DNMT3A: variants seen among roughly 807,000 people sequenced by gnomAD.
The protein encoded by DNMT3A is DNA methyltransferase 3 alpha.
A neutral mutation model predicts 117.6 loss-of-function variants in DNMT3A; 267 were observed. The ratio of observed to expected loss-of-function variants is 2.27; its 90% CI spans 2.05 to 2.51. The LOEUF is 2.51. Among genes scored for constraint, DNMT3A ranks in the 30% most tolerant of loss-of-function variants. The pLI is 0.00. For missense variants in DNMT3A, 1,029 were observed against 1,260.2 expected (o/e 0.82, Z 2.78); for synonymous variants, 432 against 474.8 (o/e 0.91, Z 1.17).
chr2:25,234,324 GA>G lies in DNMT3A; in HGVS notation c.2693del (p.Ile898ThrfsTer8). ...CCTTCAGCGGAGCGAAGAGGTGGCG[GA>G]TGACTGGCACGCTCCATGACCGGCC... is the stretch of plus-strand genomic sequence containing the variant. The part of the protein sequence containing the change: ...LLGRSWSVPV[I>X]RHLFAPLKEY... On this transcript the variant is annotated frameshift_variant, in exon 23 of 23. Coordinates refer to ENST00000321117, the MANE Select transcript of DNMT3A (RefSeq NM_022552.5). LOFTEE classifies it high-confidence loss of function. The surrounding 1 kb of genome is among the most constrained non-coding windows in gnomAD (Gnocchi z 4.5). 6.2e-7 allele frequency: 1 copy of G among 1,614,056 alleles called. No homozygotes were observed. The highest frequency in any genetic ancestry group is 8.5e-7 in the Non-Finnish European group (1 of 1,179,962).
chr2:25,258,047 G>A (rs750832433), intron 6 of DNMT3A, among the ~76,000 whole-genome samples: 5 of 152,358 alleles, frequency 3.3e-5, no homozygotes, highest in Non-Finnish European at 5.9e-5. Context: ...CCCTGATCAA[G>A]CACAACCTGT....
At chr2:25,338,072 T>A (rs139866068) in intron 1 of DNMT3A, among the ~76,000 whole-genome samples, 200 of 151,662 alleles carry the variant, frequency 1.3e-3, no homozygotes, top group Non-Finnish European at 2.2e-3. Context: ...GGGCACGGGG[T>A]GGGGAGGATA....
intron 6 of DNMT3A, among the ~76,000 whole-genome samples, chr2:25,259,319 T>C (rs755046927): frequency 6.6e-6 from 1 of 151,754 alleles, no homozygotes; most frequent in Non-Finnish European, 1.5e-5. Context: ...GGTGGGAGAG[T>C]AGCAGTACCC....
At chr2:25,315,937 A>G (rs780996912) in intron 1 of DNMT3A, among the ~76,000 whole-genome samples, 40 of 152,394 alleles carry the variant, frequency 2.6e-4, no homozygotes, top group Non-Finnish European at 5.0e-4. Context: ...CTGATTGGAA[A>G]GAACGTTGAG....
Position 25,248,097 on chromosome 2 carries a change from C to T in DNMT3A, c.795G>A (p.Val265=). The T allele has an allele frequency of 6.2e-7, 1 of 1,613,340 alleles. No individual in the cohort carries two copies. The highest frequency in any genetic ancestry group is 1.1e-5 in the South Asian group (1 of 91,036). Residue 265 remains valine, a synonymous_variant, in exon 7 of 23, where the codon GTG becomes GTA. Transcript: ENST00000321117. ...CATTCTTGTCCCCAGCATCGGACCC[C>T]ACGGGCTCAGGCGTGGTAGCCACAG... is the stretch of plus-strand genomic sequence containing the variant. ...SPTVATTPEP[V]GSDAGDKNAT...
chr2:25,243,501 G>A (rs948849685), intron 16 of DNMT3A, among the ~76,000 whole-genome samples: 2 of 152,130 alleles, frequency 1.3e-5, no homozygotes, highest in African/African-American at 4.8e-5. Flanking sequence ...AAAGGATAAT[G>A]GGTGATTTAA....
chr2:25,275,476 AG>A (rs755073536), intron 5 of DNMT3A, 23 bp downstream of exon 5: 24 of 1,590,762 alleles, frequency 1.5e-5, no homozygotes, highest in East Asian at 1.2e-4. Context: ...GGATCCACAG[AG>A]CCCCTGGGGG....
rs761171028 is a variant in DNMT3A, at chr2:25,235,827, T to C, written c.2479-2A>G. On this transcript the variant is annotated splice_acceptor_variant, in intron 21 of 22. Transcript: ENST00000321117. LOFTEE classifies it high-confidence loss of function. The stretch of plus-strand genomic sequence containing the variant: ...AGTAATGGTCCTCACTTTGCTGAAC[T>C]AGATGAAGAGGAGAAAAGAGGAATA... 13 of 1,611,848 alleles carry C rather than the reference T, an allele frequency of 8.1e-6. No homozygotes were observed. The highest frequency in any genetic ancestry group is 9.3e-6 in the Non-Finnish European group (11 of 1,178,128).
At chr2:25,278,418 T>C (rs1322525468) in intron 4 of DNMT3A, among the ~76,000 whole-genome samples, 1 of 152,082 alleles carries the variant, frequency 6.6e-6, no homozygotes, top group East Asian at 1.9e-4. Context: ...ATGCTCAGAG[T>C]AGAGAGGGGT....
At chr2:25,330,463 G>T (rs888849586) in intron 1 of DNMT3A, among the ~76,000 whole-genome samples, 1 of 152,198 alleles carries the variant, frequency 6.6e-6, no homozygotes, top group South Asian at 2.1e-4. Context: ...CCAGAATGCA[G>T]AGATGCTTCA....
intron 2 of DNMT3A, 66 bp from the exon 3 acceptor site, chr2:25,300,309 T>A: frequency 2.6e-6 from 4 of 1,532,750 alleles, no homozygotes; most frequent in Non-Finnish European, 1.8e-6. Flanking sequence ...TCCAGGCCTG[T>A]CTGGGGCTGG....
intron 6 of DNMT3A, among the ~76,000 whole-genome samples, chr2:25,255,311 T>C (rs1676014021): frequency 6.6e-6 from 1 of 152,126 alleles, no homozygotes; most frequent in African/African-American, 2.4e-5. Context: ...AAAGTAAACC[T>C]CCCTGGTAGT....
In DNMT3A at chr2:25,252,127, A is replaced by G. The variant is rs964050925; in HGVS notation, c.640-3875T>C. The G allele has an allele frequency of 2.0e-6, 3 of 1,531,340 alleles. No homozygotes were observed. The highest frequency in any genetic ancestry group is 2.5e-5 in the East Asian group (1 of 39,396). 94.9% of individuals were successfully genotyped at this position (1,531,340 alleles called of 1,614,324 possible). A position where few individuals can be genotyped will look rare whatever the true frequency, so the allele number is the denominator to read the frequency against. On this transcript the variant is annotated intron_variant, in intron 6 of 22. Coordinates refer to ENST00000321117, the MANE Select transcript of DNMT3A (RefSeq NM_022552.5). The surrounding 1 kb of genome is among the most constrained non-coding windows in gnomAD (Gnocchi z 5.5). ...TCTTTTCAAACCCGGAGGGCTGCGG[A>G]GATCCTCCCACCGGCCCTGCCGCCT...
rs890202676 is a variant in DNMT3A, at chr2:25,230,252, C to CT, written c.*4026dup. 2 of 152,398 alleles carry CT rather than the reference C, an allele frequency of 1.3e-5. No individual in the cohort carries two copies. Among genetic ancestry groups the CT allele is most frequent in the African/African-American group, 4.8e-5 (2 of 41,484 alleles). 9.4% of individuals were successfully genotyped at this position (152,398 alleles called of 1,614,324 possible). Reference sequence around the variant, plus strand: ...TAGTGCCCGCCTGCGGCCCCCCAGTCTGCCGGTGCACCAGCCTGTCGCTCC... The same window carrying CT: ...TAGTGCCCGCCTGCGGCCCCCCAGTCTTGCCGGTGCACCAGCCTGTCGCTCC... On this transcript the variant is annotated 3_prime_UTR_variant, in exon 23 of 23. Transcript: ENST00000321117.
At chr2:25,341,670 C>A (rs1266955679) in intron 1 of DNMT3A, among the ~76,000 whole-genome samples, 156 bp downstream of exon 1, 3 of 146,730 alleles carry the variant, frequency 2.0e-5, no homozygotes, top group African/African-American at 7.4e-5. Context: ...TCCCCGCCTG[C>A]AGTCCCGGCC....
chr2:25,240,158 G>T, intron 19 of DNMT3A, 144 bp downstream of exon 19: 1 of 1,218,470 alleles, frequency 8.2e-7, no homozygotes, highest in Non-Finnish European at 1.2e-6. Context: ...TTTCTATCCA[G>T]GAAGCCTGGG....
chr2:25,264,558 C>T (rs1388219170), intron 6 of DNMT3A, among the ~76,000 whole-genome samples: 1 of 151,880 alleles, frequency 6.6e-6, no homozygotes, highest in African/African-American at 2.4e-5. Context: ...AGCTCCGCCT[C>T]CCGGGTTCAC....
intron 19 of DNMT3A, among the ~76,000 whole-genome samples, chr2:25,240,042 T>C (rs1433135025): frequency 6.6e-6 from 1 of 152,158 alleles, no homozygotes; most frequent in Non-Finnish European, 1.5e-5. Context: ...CCCCACCTGA[T>C]TGAGTGACAG....
intron 1 of DNMT3A, among the ~76,000 whole-genome samples, chr2:25,329,689 A>C (rs1040277070): frequency 5.4e-5 from 8 of 148,902 alleles, no homozygotes; most frequent in African/African-American, 1.8e-4. Context: ...ACACACACAC[A>C]CACACACACA....
Sources: allele counts gnomAD v4.1 joint callset (sites outside exome capture counted in the v4.1 genomes callset), GRCh38; gene constraint gnomAD v4.1.1; non-coding constraint Gnocchi (gnomAD v3.1); transcripts MANE v1.5; gene names NCBI Gene and HGNC (gene_info 2026-07-23, HGNC 2026-07-21).